Variants in RTL1 observed in about 807,000 individuals in gnomAD.
RTL1 encodes retrotransposon-like protein 1.
For missense variants in RTL1, 1,681 were observed against 1,767.5 expected (o/e 0.95, Z 0.88); for synonymous variants, 727 against 748.4 (o/e 0.97, Z 0.47).
At position 100,880,167 on chromosome 14, in the gene RTL1, T is replaced by A. The variant is rs1595331922; in HGVS notation, c.*545A>T. ...GTTTGCTTGCAGGGTGTGATGGGGGTGAGGGAGGCACCACATCATCAGATG... is the reference window on the plus strand; with the variant it reads ...GTTTGCTTGCAGGGTGTGATGGGGGAGAGGGAGGCACCACATCATCAGATG... On this transcript the variant is annotated 3_prime_UTR_variant, in exon 4 of 4. Transcript: ENST00000649591. 1.2e-5 allele frequency among the ~76,000 whole-genome samples: 1 copy of A among 84,106 alleles called. No homozygotes were observed. The highest frequency in any genetic ancestry group is 2.3e-5 in the Non-Finnish European group (1 of 44,182). 55.2% of individuals were successfully genotyped at this position (84,106 alleles called of 152,430 possible).
At chr14:100,891,780 G>A (rs1407337078) in intron 3 of RTL1, among the ~76,000 whole-genome samples, 1 of 152,182 alleles carries the variant, frequency 6.6e-6, no homozygotes, top group East Asian at 1.9e-4. Context: ...GTCTGCACCG[G>A]CCTCCTAGCC....
intron 3 of RTL1, among the ~76,000 whole-genome samples, chr14:100,887,759 A>AT (rs1416640917): frequency 6.6e-6 from 1 of 152,066 alleles, no homozygotes; most frequent in Non-Finnish European, 1.5e-5. Flanking sequence ...CAAAAAAAAA[A>AT]CAAGACTCTT....
rs1206119384 is a variant in RTL1, at chr14:100,882,351, A to G, written c.2438T>C (p.Ile813Thr). The G allele has an allele frequency of 2.6e-6, 4 of 1,551,570 alleles. No homozygotes were observed. The highest frequency in any genetic ancestry group is 3.5e-6 in the Non-Finnish European group (4 of 1,146,996). ...PGSKLSLRNF[I>T]EFVFPYRHFV... is the part of the protein sequence containing the mutation. ...GTGGCGGTAGGGGAAGACGAATTCGATGAAGTTTCGCAGAGATAGCTTGGA... is the reference window on the plus strand; with the variant it reads ...GTGGCGGTAGGGGAAGACGAATTCGGTGAAGTTTCGCAGAGATAGCTTGGA... Residue 813 changes from isoleucine to threonine, a missense_variant, in exon 4 of 4, where the codon ATC (isoleucine) becomes ACC (threonine). Ile to Thr is a moderately conservative substitution (Grantham distance 89). Transcript: ENST00000649591.
At chr14:100,901,706 G>A (rs1225148083) in intron 2 of RTL1, among the ~76,000 whole-genome samples, 1 of 152,130 alleles carries the variant, frequency 6.6e-6, no homozygotes, top group Non-Finnish European at 1.5e-5. Context: ...GTGGGCTCAG[G>A]AGCCAGGGCA....
At chr14:100,901,546 A>T (rs2038941943) in intron 2 of RTL1, among the ~76,000 whole-genome samples, 1 of 152,168 alleles carries the variant, frequency 6.6e-6, no homozygotes, top group Admixed American at 6.5e-5. Context: ...TCATGAGTCC[A>T]CTGAACATGT....
At chr14:100,896,324 G>C (rs1170844992) in intron 2 of RTL1, among the ~76,000 whole-genome samples, 1 of 152,166 alleles carries the variant, frequency 6.6e-6, no homozygotes, top group African/African-American at 2.4e-5. Flanking sequence ...GCCTCTGTCT[G>C]CATTAGCTTG....
At chr14:100,895,557 A>C (rs956831623) in intron 2 of RTL1, among the ~76,000 whole-genome samples, 1 of 152,124 alleles carries the variant, frequency 6.6e-6, no homozygotes, top group African/African-American at 2.4e-5. Flanking sequence ...ATTTTTTGGA[A>C]TCCAAAGGGA....
Position 100,882,242 on chromosome 14 carries a change from C to T in RTL1, c.2547G>A (p.Glu849=). Residue 849 remains glutamate (E), a synonymous_variant, in exon 4 of 4, where the codon GAG becomes GAA. Transcript: ENST00000649591. ...SSYQFYWGVE[E]QEAFECLKRA... is the part of the protein sequence containing the mutation. ...TCTTCAGGCACTCGAAGGCCTCTTG[C>T]TCCTCGACTCCCCAGTAGAACTGGT... The T allele has an allele frequency of 6.4e-7, 1 of 1,551,444 alleles. No individual in the cohort carries two copies. Among genetic ancestry groups the T allele is most frequent in the Non-Finnish European group, 8.7e-7 (1 of 1,147,006 alleles).
intron 2 of RTL1, among the ~76,000 whole-genome samples, chr14:100,895,649 T>C (rs1040618552): frequency 6.6e-6 from 1 of 152,136 alleles, no homozygotes; most frequent in African/African-American, 2.4e-5. Flanking sequence ...ATGGCATATC[T>C]TTCATTGGTA....
chr14:100,897,778 C>CG (rs1299149513), intron 2 of RTL1: 938 of 26,454 alleles, frequency 0.035, 32 homozygotes, highest in Admixed American at 0.045. Context: ...GGGTGGGGGG[C>CG]GGGGGGGGGC....
chr14:100,894,289 G>A (rs1289701189), intron 2 of RTL1, among the ~76,000 whole-genome samples: 1 of 131,300 alleles, frequency 7.6e-6, no homozygotes. Context: ...CAACCTGGGC[G>A]ACAGAGTGAA....
Position 100,883,076 on chromosome 14 carries a change from T to C in RTL1, c.1713A>G (p.Ala571=), listed in dbSNP as rs753637587. The change falls in exon 4 of 4, where the codon GCA becomes GCG. Residue 571 remains alanine (A), a synonymous_variant. Transcript: ENST00000649591. The surrounding 1 kb of genome is among the most constrained non-coding windows in gnomAD (Gnocchi z 5.9). The part of the protein sequence containing the change: ...DLADVFNPKE[A]DDETSDQPSS... ...TTGGCTGGTCGGAAGTCTCATCATC[T>C]GCTTCCTTCGGGTTAAACACGTCGG... The C allele has an allele frequency of 1.2e-6, 2 of 1,614,104 alleles. No homozygotes were observed. Among genetic ancestry groups the C allele is most frequent in the South Asian group, 1.1e-5 (1 of 91,046 alleles).
At position 100,881,577 on chromosome 14, in the gene RTL1, T is replaced by A. The variant is rs1843080227; in HGVS notation, c.3212A>T (p.Gln1071Leu). Residue 1071 changes from glutamine (Q) to leucine (L), a missense_variant, in exon 4 of 4, where the codon CAG becomes CTG. Physicochemically the swap from Gln to Leu is moderately radical, Grantham distance 113. Transcript: ENST00000649591. This position sits in a 1 kb window ranked among gnomAD's most constrained non-coding sequence, Gnocchi z 6.6. The stretch of plus-strand genomic sequence containing the variant: ...GAAGTGCAGAATGACGGCCCTGATC[T>A]GGGCCATGCTGAAGTGGGCGAGGAA... ...NSFLAHFSMAQIRAVILHFFR... is the reference protein window; with the variant it reads ...NSFLAHFSMALIRAVILHFFR... The A allele has an allele frequency of 6.4e-7, 1 of 1,551,762 alleles. No individual in the cohort carries two copies. Among genetic ancestry groups the A allele is most frequent in the Admixed American group, 2.0e-5 (1 of 51,014 alleles).
At position 100,882,423 on chromosome 14, in the gene RTL1, A is replaced by T. The variant is rs1003148534; in HGVS notation, c.2366T>A (p.Leu789Gln). 7 of 1,551,930 alleles carry T rather than the reference A, an allele frequency of 4.5e-6. No individual in the cohort carries two copies. In the African/African-American group the frequency reaches 9.6e-5, roughly 21 times the overall value. Reference sequence around the variant, plus strand: ...TATGATGGTCATGACGTTCTTGTTCAGTTTCACCCCTTTGGGGGTGACGAC... The same window carrying T: ...TATGATGGTCATGACGTTCTTGTTCTGTTTCACCCCTTTGGGGGTGACGAC... ...GFVVTPKGVK[L>Q]NKNVMTIITG... The change falls in exon 4 of 4, where the codon CTG becomes CAG. Residue 789 changes from leucine to glutamine, a missense_variant. Physicochemically the swap from Leu to Gln is moderately radical, Grantham distance 113. Transcript: ENST00000649591.
rs908788248 is a variant in RTL1, at chr14:100,884,067, A to C, written c.722T>G (p.Val241Gly). 7.1e-6 allele frequency: 11 copies of C among 1,551,598 alleles called. No individual in the cohort carries two copies. In the Admixed American group the frequency reaches 2.2e-4, roughly 30 times the overall value. Residue 241 changes from valine to glycine, a missense_variant, in exon 4 of 4, where the codon GTC (valine) becomes GGC (glycine). By Grantham distance (109) the Val-to-Gly change is moderately radical. Transcript: ENST00000649591. ...FYNDRLRVGYVINHLSGLALE... is the reference protein window; with the variant it reads ...FYNDRLRVGYGINHLSGLALE... The stretch of plus-strand genomic sequence containing the variant: ...TGCCAAGCCGGACAGGTGATTGATG[A>C]CATAGCCAACTCTCAGACGGTCGTT...
At chr14:100,895,753 G>A (rs1163282452) in intron 2 of RTL1, among the ~76,000 whole-genome samples, 1 of 152,150 alleles carries the variant, frequency 6.6e-6, no homozygotes, top group African/African-American at 2.4e-5. Flanking sequence ...CTCAGTCTGG[G>A]CACTGCATTT....
rs555931585 is a variant in RTL1 at position 100,884,061 on chromosome 14, T to C, written c.728A>G (p.Asn243Ser). 1.3e-5 allele frequency: 20 copies of C among 1,551,704 alleles called. No individual in the cohort carries two copies. In the South Asian group the frequency reaches 1.9e-4, roughly 15 times the overall value. Residue 243 changes from asparagine to serine, a missense_variant, in exon 4 of 4, where the codon AAT (asparagine) becomes AGT (serine). Asn to Ser is a conservative substitution (Grantham distance 46). Coordinates refer to ENST00000649591, the MANE Select transcript of RTL1 (RefSeq NM_001134888.3). ...NDRLRVGYVI[N>S]HLSGLALEWA... Reference sequence around the variant, plus strand: ...TTCTAATGCCAAGCCGGACAGGTGATTGATGACATAGCCAACTCTCAGACG... The same window carrying C: ...TTCTAATGCCAAGCCGGACAGGTGACTGATGACATAGCCAACTCTCAGACG...
Position 100,881,332 on chromosome 14 carries a change from C to T in RTL1, c.3457G>A (p.Val1153Ile), listed in dbSNP as rs368439404. 222 of 1,550,592 alleles carry T rather than the reference C, an allele frequency of 1.4e-4. 1 individual carries two copies. The highest frequency in any genetic ancestry group is 1.3e-3 in the South Asian group (108 of 84,066). ...TQLLTQMPAL[V>I]GANTIPAQEL... is the part of the protein sequence containing the mutation. The stretch of plus-strand genomic sequence containing the variant: ...TGGGCTGGGATGGTGTTTGCACCTA[C>T]GAGAGCGGGCATCTGGGTGAGCAGC... The change falls in exon 4 of 4, where the codon GTA (valine) becomes ATA (isoleucine). Residue 1153 changes from valine (V) to isoleucine (I), a missense_variant. Val to Ile is a conservative substitution (Grantham distance 29). Transcript: ENST00000649591. This position sits in a 1 kb window ranked among gnomAD's most constrained non-coding sequence, Gnocchi z 6.6.
Position 100,881,405 on chromosome 14 carries a change from C to G in RTL1, c.3384G>C (p.Leu1128=), listed in dbSNP as rs1341403261. 6.4e-7 allele frequency: 1 copy of G among 1,550,802 alleles called. No homozygotes were observed. Among genetic ancestry groups the G allele is most frequent in the East Asian group, 2.4e-5 (1 of 40,908 alleles). The change falls in exon 4 of 4, where the codon CTG becomes CTC. Residue 1128 remains leucine (L), a synonymous_variant. Coordinates refer to ENST00000649591, the MANE Select transcript of RTL1 (RefSeq NM_001134888.3). The surrounding 1 kb of genome is among the most constrained non-coding windows in gnomAD (Gnocchi z 6.6). ...PQPQRSLRLI[L]DSSLIAGSSI... ...TGCTGCCTGCGATGAGGGACGAATC[C>G]AGGATGAGTCGTAGGGAGCGCTGGG...
Sources: allele counts gnomAD v4.1 joint callset (sites outside exome capture counted in the v4.1 genomes callset), GRCh38; gene constraint gnomAD v4.1.1; non-coding constraint Gnocchi (gnomAD v3.1); transcripts MANE v1.5; gene names NCBI Gene and HGNC (gene_info 2026-07-23, HGNC 2026-07-21).